AGBL4: variants seen among roughly 807,000 people sequenced by gnomAD.
AGBL4 encodes AGBL carboxypeptidase 4, also known as cytosolic carboxypeptidase 6.
AGBL4 carries 58 observed loss-of-function variants against 66.4 expected under a neutral mutation model. That is an observed-to-expected ratio of 0.87 (90% CI 0.71 to 1.09). AGBL4 has a LOEUF of 1.09. Ranked by LOEUF, AGBL4 falls within the 50% of genes least tolerant of loss-of-function variation. The pLI, the probability that AGBL4 is intolerant of heterozygous loss-of-function variation, is 0.00. For synonymous variants in AGBL4, 234 were observed against 222.9 expected, an observed-to-expected ratio of 1.05 and a Z score of -0.44; for missense variants, 579 against 631.0, an observed-to-expected ratio of 0.92 and a Z score of 0.88.
chr1:49,978,636 G>C (rs1658785126), intron 1 of AGBL4, among the ~76,000 whole-genome samples: 1 of 151,992 alleles, frequency 6.6e-6, no homozygotes, highest in African/African-American at 2.4e-5. Context: ...GAATAAACAG[G>C]TAAATATTTT....
intron 6 of AGBL4, among the ~76,000 whole-genome samples, chr1:48,699,940 T>TTTTATA (rs1646775755): frequency 6.8e-6 from 1 of 146,296 alleles, no homozygotes; most frequent in Non-Finnish European, 1.5e-5. Flanking sequence ...TAAATATACA[T>TTTTATA]TATATATATA....
At chr1:49,514,894 G>C (rs1472861955) in intron 3 of AGBL4, among the ~76,000 whole-genome samples, 1 of 152,002 alleles carries the variant, frequency 6.6e-6, no homozygotes, top group African/African-American at 2.4e-5. Flanking sequence ...ATTCAAGATG[G>C]ATTAAAGACT....
chr1:49,029,215 C>T (rs1451923239), intron 5 of AGBL4, among the ~76,000 whole-genome samples: 1 of 151,708 alleles, frequency 6.6e-6, no homozygotes, highest in Non-Finnish European at 1.5e-5. Context: ...CCATAATGGC[C>T]CAGGTAATTA....
chr1:49,962,934 A>C lies in AGBL4; in HGVS notation c.34+60829T>G, dbSNP rs185409844. Among the ~76,000 whole-genome samples the C allele has an allele frequency of 1.2e-3, 190 of 152,252 alleles. 1 individual carries two copies. Among genetic ancestry groups the C allele is most frequent in the African/African-American group, 4.4e-3 (181 of 41,564 alleles). On this transcript the variant is annotated intron_variant, in intron 1 of 13. Transcript: ENST00000371839. ...GTAGTTATTGGTTGAGACAAGATTC[A>C]AACCCAGACTTCCTGATTGTCCAGT...
intron 3 of AGBL4, among the ~76,000 whole-genome samples, chr1:49,403,726 A>C (rs1645137495): frequency 6.6e-6 from 1 of 152,126 alleles, no homozygotes; most frequent in African/African-American, 2.4e-5. Flanking sequence ...TTGTATCCAA[A>C]ACTGTTCAAT....
At chr1:49,966,788 G>A (rs900556222) in intron 1 of AGBL4, among the ~76,000 whole-genome samples, 4 of 152,042 alleles carry the variant, frequency 2.6e-5, no homozygotes, top group African/African-American at 9.7e-5. Context: ...GCCTTTTACT[G>A]ATTCAAGACT....
chr1:49,351,178 G>C (rs541185101), intron 3 of AGBL4, among the ~76,000 whole-genome samples: 5 of 152,210 alleles, frequency 3.3e-5, no homozygotes, highest in Admixed American at 3.3e-4. Flanking sequence ...CATCCTGCCT[G>C]CTATCCACCA....
intron 9 of AGBL4, among the ~76,000 whole-genome samples, chr1:48,607,848 A>C (rs535021315): frequency 1.0e-3 from 158 of 152,318 alleles, no homozygotes; most frequent in African/African-American, 3.7e-3. Flanking sequence ...AAGCATACAA[A>C]AAATCAGGTC....
chr1:49,925,724 T>A (rs12129680), intron 1 of AGBL4, among the ~76,000 whole-genome samples: 4,644 of 152,270 alleles, frequency 0.03, 109 homozygotes, highest in Non-Finnish European at 0.043. Context: ...GAAGTGAAAT[T>A]GGCAGTGCCC....
chr1:49,227,430 GATTCATCAAAAAAGTCATCTTCC>G (rs1649998621), intron 4 of AGBL4, among the ~76,000 whole-genome samples: 1 of 151,066 alleles, frequency 6.6e-6, no homozygotes, highest in Admixed American at 6.6e-5. Flanking sequence ...ACTCATCCCT[GATTCATCAAAAAAGTCATCTTCC>G]ATTCTTCTGC....
At chr1:49,054,242 T>C (rs1644271091) in intron 4 of AGBL4, among the ~76,000 whole-genome samples, 1 of 152,090 alleles carries the variant, frequency 6.6e-6, no homozygotes, top group Admixed American at 6.6e-5. Context: ...AGTCAACAGA[T>C]ATATCAAACA....
intron 1 of AGBL4, among the ~76,000 whole-genome samples, chr1:49,878,237 T>A (rs1244887968): frequency 1.3e-5 from 2 of 149,042 alleles, no homozygotes; most frequent in South Asian, 4.3e-4. Context: ...TTCTAGTTCT[T>A]TTAATTGTGA....
chr1:49,002,682 C>A (rs116576501), intron 5 of AGBL4, among the ~76,000 whole-genome samples: 1,749 of 152,304 alleles, frequency 0.011, 31 homozygotes, highest in African/African-American at 0.04. Flanking sequence ...AAAGTGCAGT[C>A]TTCCTTAAGA....
At chr1:49,258,555 A>G (rs1213771650) in intron 3 of AGBL4, among the ~76,000 whole-genome samples, 2 of 152,188 alleles carry the variant, frequency 1.3e-5, no homozygotes, top group Non-Finnish European at 1.5e-5. Context: ...AAAGGGTATC[A>G]GTGATGGAAG....
At chr1:48,724,432 TA>T (rs1647198404) in intron 6 of AGBL4, among the ~76,000 whole-genome samples, 2 of 152,138 alleles carry the variant, frequency 1.3e-5, no homozygotes, top group South Asian at 4.2e-4. Context: ...ATCTGTGGGT[TA>T]AGGCTTGGGC....
At chr1:49,579,731 C>T (rs2148881736) in intron 3 of AGBL4, among the ~76,000 whole-genome samples, 1 of 152,262 alleles carries the variant, frequency 6.6e-6, no homozygotes, top group African/African-American at 2.4e-5. Flanking sequence ...GATCTCCTGA[C>T]CTCATGATCC....
chr1:49,256,823 G>T (rs1168708748), intron 3 of AGBL4, among the ~76,000 whole-genome samples: 2 of 152,074 alleles, frequency 1.3e-5, no homozygotes, highest in Admixed American at 6.5e-5. Flanking sequence ...AAAGAGCCTG[G>T]GAATAGACGC....
intron 5 of AGBL4, among the ~76,000 whole-genome samples, chr1:48,902,963 C>T (rs1238595173): frequency 1.3e-5 from 2 of 152,180 alleles, no homozygotes; most frequent in African/African-American, 4.8e-5. Flanking sequence ...TGCCTGCCAA[C>T]ACCTGGACTT....
intron 3 of AGBL4, among the ~76,000 whole-genome samples, chr1:49,628,957 T>C (rs2356621): frequency 0.069 from 10,486 of 152,190 alleles, 1,141 homozygotes; most frequent in African/African-American, 0.23. Flanking sequence ...AAAATGATTT[T>C]ATTGAGTTTG....
Sources: gnomAD v4.1 joint callset for allele counts (sites outside exome capture counted in the v4.1 genomes callset) on GRCh38, gnomAD v4.1.1 for gene constraint, MANE v1.5 for transcripts, NCBI Gene and HGNC (gene_info 2026-07-23, HGNC 2026-07-21) for gene names.